The following EXTL3 variants were observed in gnomAD, a reference collection of about 807,000 sequenced individuals.
The protein encoded by EXTL3 is exostosin like glycosyltransferase 3, also known as exostosin-like 3.
EXTL3 carries 27 observed loss-of-function variants against 69.3 expected under a neutral mutation model. The ratio of observed to expected loss-of-function variants is 0.39; its 90% CI spans 0.29 to 0.54. EXTL3 has a LOEUF of 0.54. EXTL3 is among the 20% of genes least tolerant of loss of function. The pLI, the probability that EXTL3 is intolerant of heterozygous loss-of-function variation, is 0.69. For synonymous variants in EXTL3, 511 were observed against 499.4 expected (o/e 1.02, Z -0.31); for missense variants, 1,003 against 1,231.8 (o/e 0.81, Z 2.78).
intron 1 of EXTL3, among the ~76,000 whole-genome samples, chr8:28,630,278 C>G (rs1165732392): frequency 1.3e-5 from 2 of 152,166 alleles, no homozygotes; most frequent in Admixed American, 1.3e-4. Context: ...TAAGATGTGC[C>G]TTTGCTCCTC....
intron 1 of EXTL3, among the ~76,000 whole-genome samples, chr8:28,657,596 T>G (rs985532767): frequency 2.6e-5 from 4 of 152,122 alleles, no homozygotes; most frequent in African/African-American, 9.7e-5. Flanking sequence ...CATGGTTTGG[T>G]AACAATCATG....
At chr8:28,732,681 C>T (rs781079776) in intron 4 of EXTL3, among the ~76,000 whole-genome samples, 5 of 152,116 alleles carry the variant, frequency 3.3e-5, no homozygotes, top group Non-Finnish European at 7.4e-5. Flanking sequence ...TCTTCTTTCA[C>T]GGAACATGAT....
In EXTL3 at chr8:28,717,405, C is replaced by T. The variant is rs1801182851; in HGVS notation, c.1346C>T (p.Thr449Ile). 6.2e-7 allele frequency: 1 copy of T among 1,614,214 alleles called. No homozygotes were observed. Among genetic ancestry groups the T allele is most frequent in the Non-Finnish European group, 8.5e-7 (1 of 1,180,024 alleles). Residue 449 changes from threonine to isoleucine, a missense_variant, in exon 3 of 7, where the codon ACA becomes ATA. Thr to Ile is a moderately conservative substitution (Grantham distance 89, BLOSUM62 -1). Coordinates refer to ENST00000220562, the MANE Select transcript of EXTL3 (RefSeq NM_001440.4). The surrounding 1 kb of genome is among the most constrained non-coding windows in gnomAD (Gnocchi z 8.3). ...PRLVISSGCA[T>I]RLFEALEVGA... ...TTGGTTATTTCCTCTGGGTGTGCAA[C>T]ACGGCTCTTCGAAGCCCTGGAAGTC...
intron 3 of EXTL3, among the ~76,000 whole-genome samples, chr8:28,729,812 G>A (rs1801498901): frequency 6.6e-6 from 1 of 151,444 alleles, no homozygotes; most frequent in Non-Finnish European, 1.5e-5. Flanking sequence ...CGCCTGGGGG[G>A]AACATAGTGA....
chr8:28,684,956 G>GT (rs1280705071), intron 1 of EXTL3, among the ~76,000 whole-genome samples: 7 of 130,954 alleles, frequency 5.3e-5, no homozygotes, highest in Admixed American at 7.2e-5. Flanking sequence ...CAATAATGTT[G>GT]TGTTTTTTTT....
chr8:28,705,270 C>G (rs182261673), intron 1 of EXTL3, among the ~76,000 whole-genome samples: 1 of 151,994 alleles, frequency 6.6e-6, no homozygotes, highest in Non-Finnish European at 1.5e-5. Context: ...CCTTAATTTA[C>G]GAGTTAACAA....
chr8:28,710,053 A>G (rs1290982588), intron 1 of EXTL3, among the ~76,000 whole-genome samples: 2 of 152,248 alleles, frequency 1.3e-5, no homozygotes, highest in Non-Finnish European at 2.9e-5. Context: ...GGAAAAGAGT[A>G]AAAGGTAGAA....
chr8:28,709,547 T>A (rs1228554575), intron 1 of EXTL3, among the ~76,000 whole-genome samples: 1 of 152,156 alleles, frequency 6.6e-6, no homozygotes, highest in East Asian at 1.9e-4. Flanking sequence ...TAGTTTAACT[T>A]TTTTTCTTTC....
At chr8:28,738,069 C>T (rs1208533434) in intron 5 of EXTL3, among the ~76,000 whole-genome samples, 2 of 152,174 alleles carry the variant, frequency 1.3e-5, no homozygotes, top group Non-Finnish European at 1.5e-5. Flanking sequence ...CCGGGCCCCA[C>T]GATGAGCCTC....
intron 1 of EXTL3, among the ~76,000 whole-genome samples, chr8:28,624,818 A>G (rs1217069787): frequency 6.6e-6 from 1 of 152,208 alleles, no homozygotes; most frequent in Non-Finnish European, 1.5e-5. Context: ...GTGGTTTGCA[A>G]ACATCAGTAA....
intron 1 of EXTL3, among the ~76,000 whole-genome samples, chr8:28,662,565 C>T (rs1369166751): frequency 1.3e-5 from 2 of 152,180 alleles, no homozygotes; most frequent in African/African-American, 4.8e-5. Flanking sequence ...TTGGTTCCTA[C>T]TCACTGCTAG....
At chr8:28,651,050 T>C (rs1427741880) in intron 1 of EXTL3, among the ~76,000 whole-genome samples, 1 of 152,086 alleles carries the variant, frequency 6.6e-6, no homozygotes, top group Non-Finnish European at 1.5e-5. Context: ...AGATCTTTGA[T>C]TTTTTGGATT....
Position 28,718,035 on chromosome 8 carries a change from C to G in EXTL3, c.1976C>G (p.Pro659Arg), listed in dbSNP as rs768934948. The G allele has an allele frequency of 6.2e-7, 1 of 1,613,656 alleles. No homozygotes were observed. The highest frequency in any genetic ancestry group is 8.5e-7 in the Non-Finnish European group (1 of 1,179,854). Residue 659 changes from proline to arginine, a missense_variant, in exon 3 of 7, where the codon CCC becomes CGC. Coordinates refer to ENST00000220562, the MANE Select transcript of EXTL3 (RefSeq NM_001440.4). ...EFQAALGGNVPREQFTVVMLT... is the reference protein window; with the variant it reads ...EFQAALGGNVRREQFTVVMLT... The stretch of plus-strand genomic sequence containing the variant: ...CAGGCAGCGCTTGGAGGCAATGTTC[C>G]CCGAGAGCAGTTCACGGTGGTGATG...
chr8:28,707,814 A>G (rs750066610), intron 1 of EXTL3, among the ~76,000 whole-genome samples: 5 of 152,208 alleles, frequency 3.3e-5, no homozygotes, highest in Non-Finnish European at 7.3e-5. Context: ...AAACAATACG[A>G]TTTGGATTTG....
rs781720739 is a variant in EXTL3, at chr8:28,750,631, A to G, written c.2551-26A>G. 13 of 1,594,042 alleles carry G rather than the reference A, an allele frequency of 8.2e-6. No individual in the cohort carries two copies. The highest frequency in any genetic ancestry group is 1.1e-5 in the Non-Finnish European group (13 of 1,162,434). On this transcript the variant is annotated intron_variant, in intron 6 of 6. Coordinates refer to ENST00000220562, the MANE Select transcript of EXTL3 (RefSeq NM_001440.4). The surrounding 1 kb of genome is among the most constrained non-coding windows in gnomAD (Gnocchi z 5.2). The stretch of plus-strand genomic sequence containing the variant: ...TCTGTCAGTATTAGCTGGGATTCCC[A>G]CTCTGTCTCTCTCTCCCGTTTCCAG...
In EXTL3 at chr8:28,733,222, C is replaced by G. The variant is rs114796855; in HGVS notation, c.2276+1872C>G. Among the ~76,000 whole-genome samples the G allele has an allele frequency of 2.4e-3, 365 of 152,196 alleles. 2 individuals are homozygous for G. Among genetic ancestry groups the G allele is most frequent in the African/African-American group, 8.5e-3 (351 of 41,506 alleles). Reference sequence around the variant, plus strand: ...GCTTTAACATTTTGAGCCGGTCAGGCTGTTTTTCACGGTGGCAGCCCCATA... The same window carrying G: ...GCTTTAACATTTTGAGCCGGTCAGGGTGTTTTTCACGGTGGCAGCCCCATA... On this transcript the variant is annotated intron_variant, in intron 4 of 6. Coordinates refer to ENST00000220562, the MANE Select transcript of EXTL3 (RefSeq NM_001440.4).
chr8:28,739,332 C>CT (rs936050636), intron 5 of EXTL3, among the ~76,000 whole-genome samples: 7 of 151,978 alleles, frequency 4.6e-5, no homozygotes, highest in African/African-American at 1.7e-4. Flanking sequence ...TTTATAGGGA[C>CT]TTTTTTAATT....
At chr8:28,612,523 G>C (rs1806285331) in intron 2 of EXTL3, among the ~76,000 whole-genome samples, 1 of 151,720 alleles carries the variant, frequency 6.6e-6, no homozygotes, top group Non-Finnish European at 1.5e-5. Flanking sequence ...CTAGCAAAGT[G>C]AGTCAACTCT....
Position 28,716,692 on chromosome 8 carries a change from TC to T in EXTL3, c.636del (p.Leu213TrpfsTer27). 6.2e-7 allele frequency: 1 copy of T among 1,614,198 alleles called. No individual in the cohort carries two copies. Among genetic ancestry groups the T allele is most frequent in the Non-Finnish European group, 8.5e-7 (1 of 1,180,032 alleles). ...DQFVFGSYLDPLVKQAFQATA... is the reference protein window; with the variant it reads ...DQFVFGSYLDXLVKQAFQATA... ...AGTTTGTCTTTGGCAGCTACCTGGA[TC>T]CCTTGGTCAAGCAGGCTTTTCAGGC... On this transcript the variant is annotated frameshift_variant, in exon 3 of 7. Coordinates refer to ENST00000220562, the MANE Select transcript of EXTL3 (RefSeq NM_001440.4). LOFTEE classifies it high-confidence loss of function. The surrounding 1 kb of genome is among the most constrained non-coding windows in gnomAD (Gnocchi z 7.1).
Sources: gnomAD v4.1 joint callset for allele counts (sites outside exome capture counted in the v4.1 genomes callset) on GRCh38, gnomAD v4.1.1 for gene constraint, Gnocchi (gnomAD v3.1) non-coding constraint, MANE v1.5 for transcripts, NCBI Gene and HGNC (gene_info 2026-07-23, HGNC 2026-07-21) for gene names.